Variants in DMD observed in about 807,000 individuals in gnomAD.
DMD encodes the protein dystrophin.
DMD carries 63 observed loss-of-function variants against 330.1 expected under a neutral mutation model. The observed-to-expected ratio is 0.19, with a 90% CI of 0.16 to 0.24. The LOEUF (loss-of-function observed/expected upper bound fraction) is 0.24, where lower values mean the gene tolerates loss of function less well. Among genes scored for constraint, DMD ranks in the 10% least tolerant of loss-of-function variants. The pLI is 1.00. For missense variants in DMD, 3,344 were observed against 2,684.1 expected, an observed-to-expected ratio of 1.25 and a Z score of -5.43; for synonymous variants, 1,223 against 959.8, an observed-to-expected ratio of 1.27 and a Z score of -5.07.
chrX:31,388,178 T>G (rs1213090399), intron 60 of DMD, among the ~76,000 whole-genome samples: 2 of 108,568 alleles, frequency 1.8e-5, no homozygotes, highest in Non-Finnish European at 3.8e-5. Flanking sequence ...TTTTTTTTTG[T>G]ATTTTTAGTA....
At chrX:32,736,877 T>TG (rs1295630793) in intron 7 of DMD, among the ~76,000 whole-genome samples, 68 of 110,133 alleles carry the variant, frequency 6.2e-4, no homozygotes, top group African/African-American at 2.2e-3. Context: ...GTAACTAACC[T>TG]GCACAATGTG....
chrX:31,318,871 T>G (rs2056227090), intron 62 of DMD, among the ~76,000 whole-genome samples: 1 of 112,060 alleles, frequency 8.9e-6, no homozygotes, highest in African/African-American at 3.2e-5. Context: ...TCCCAATATT[T>G]AGCAACCACA....
intron 49 of DMD, among the ~76,000 whole-genome samples, chrX:31,830,456 T>C (rs1198920166): frequency 7.2e-5 from 8 of 110,791 alleles, no homozygotes; most frequent in Non-Finnish European, 1.5e-4. Flanking sequence ...TAGCTGGGCA[T>C]GGTGGTGGGC....
At chrX:31,443,958 GA>G (rs757259990) in intron 60 of DMD, among the ~76,000 whole-genome samples, 88 of 111,547 alleles carry the variant, frequency 7.9e-4, no homozygotes, top group African/African-American at 2.5e-3. Flanking sequence ...AGGCCTAGTG[GA>G]AGGTGTCTGG....
chrX:31,311,345 G>T (rs1026801332), intron 62 of DMD, among the ~76,000 whole-genome samples: 1 of 111,673 alleles, frequency 9.0e-6, no homozygotes, highest in Non-Finnish European at 1.9e-5. Context: ...TTGACCACGC[G>T]CTACCTTTCA....
intron 41 of DMD, among the ~76,000 whole-genome samples, chrX:32,336,079 T>C (rs1325470127): frequency 1.0e-5 from 1 of 97,772 alleles, no homozygotes; most frequent in Admixed American, 1.1e-4. Flanking sequence ...GTGTATAACA[T>C]GTTATATATA....
chrX:32,954,675 A>T (rs987524244), intron 2 of DMD, among the ~76,000 whole-genome samples: 9 of 110,200 alleles, frequency 8.2e-5, no homozygotes, highest in Non-Finnish European at 1.7e-4. Context: ...ATTTTTTTTT[A>T]ATCCTCTCCC....
chrX:31,300,406 A>G (rs1014469385), intron 62 of DMD, among the ~76,000 whole-genome samples: 1 of 112,148 alleles, frequency 8.9e-6, no homozygotes, highest in Non-Finnish European at 1.9e-5. Context: ...TCAGTCAAGT[A>G]ATATTATAGG....
chrX:31,338,309 C>CA (rs752828727), intron 61 of DMD, among the ~76,000 whole-genome samples: 840 of 53,338 alleles, frequency 0.016, 10 homozygotes, highest in Middle Eastern at 0.032. Flanking sequence ...AGTAAAAATA[C>CA]AAAAAAAAAA....
chrX:31,694,301 A>C (rs1050183476), intron 52 of DMD, among the ~76,000 whole-genome samples: 2 of 110,313 alleles, frequency 1.8e-5, no homozygotes, highest in Non-Finnish European at 3.8e-5. Context: ...AAAAACTACA[A>C]AAACATAAGA....
At chrX:31,966,662 CAG>C (rs2095354199) in intron 45 of DMD, among the ~76,000 whole-genome samples, 1 of 111,016 alleles carries the variant, frequency 9.0e-6, no homozygotes, top group South Asian at 3.7e-4. Context: ...TATTTCACAA[CAG>C]AGTCAGCATA....
intron 61 of DMD, among the ~76,000 whole-genome samples, chrX:31,347,050 CAGTT>C (rs1267209892): frequency 3.4e-5 from 2 of 58,933 alleles, no homozygotes; most frequent in South Asian, 1.0e-3. Context: ...AGGATGCAAA[CAGTT>C]AGGGAAAGGA....
At chrX:31,592,834 T>G (rs1451941046) in intron 55 of DMD, among the ~76,000 whole-genome samples, 1 of 110,559 alleles carries the variant, frequency 9.0e-6, no homozygotes, top group Non-Finnish European at 1.9e-5. Context: ...TTCTGGGTGA[T>G]CATATTATTA....
At chrX:32,028,540 A>G (rs2095862587) in intron 44 of DMD, among the ~76,000 whole-genome samples, 1 of 111,820 alleles carries the variant, frequency 8.9e-6, no homozygotes, top group South Asian at 3.7e-4. Flanking sequence ...TTCATTCAAC[A>G]AGGAGATTCT....
At position 32,582,379 on chromosome X, in the gene DMD, C is replaced by A. The variant is rs530115494; in HGVS notation, c.1603-8533G>T. 2.7e-5 allele frequency among the ~76,000 whole-genome samples: 3 copies of A among 111,065 alleles called. No homozygotes were observed. The South Asian group carries it at 1.1e-3, about 41-fold the overall frequency. ...TCAGCACAAATAGAAAATGAAATTTCAAAAATATATTCATAACAGCAAAAA... is the reference window on the plus strand; with the variant it reads ...TCAGCACAAATAGAAAATGAAATTTAAAAAATATATTCATAACAGCAAAAA... On this transcript the variant is annotated intron_variant, in intron 13 of 78. Transcript: ENST00000357033.
intron 9 of DMD, among the ~76,000 whole-genome samples, chrX:32,685,205 C>T (rs1304922253): frequency 9.0e-6 from 1 of 111,250 alleles, no homozygotes; most frequent in African/African-American, 3.3e-5. Flanking sequence ...TGACTTTAAT[C>T]ACCTAGCTCA....
At chrX:31,267,197 C>T (rs1006719277) in intron 62 of DMD, among the ~76,000 whole-genome samples, 6 of 112,506 alleles carry the variant, frequency 5.3e-5, no homozygotes, top group African/African-American at 1.9e-4. Flanking sequence ...GCTAACACCT[C>T]CTTAAAGCCT....
intron 1 of DMD, among the ~76,000 whole-genome samples, chrX:33,217,722 A>G (rs2052083770): frequency 8.9e-6 from 1 of 111,923 alleles, no homozygotes; most frequent in African/African-American, 3.2e-5. Context: ...GATCTCTAGA[A>G]CTTATTCATC....
At chrX:31,271,023 G>A (rs1280896028) in intron 62 of DMD, among the ~76,000 whole-genome samples, 1 of 111,450 alleles carries the variant, frequency 9.0e-6, no homozygotes, top group African/African-American at 3.3e-5. Context: ...TAGATGTTTG[G>A]GTCTCACCAC....
Sources: gnomAD v4.1 joint callset for allele counts (sites outside exome capture counted in the v4.1 genomes callset) on GRCh38, gnomAD v4.1.1 for gene constraint, MANE v1.5 for transcripts, NCBI Gene and HGNC (gene_info 2026-07-23, HGNC 2026-07-21) for gene names.